RHPN1: variants seen among roughly 807,000 people sequenced by gnomAD.
RHPN1 encodes rhophilin Rho GTPase binding protein 1, also known as rhophilin-1.
In RHPN1, 77 loss-of-function variants were observed where a neutral mutation model predicts 74.7. That is an observed-to-expected ratio of 1.03 (90% CI 0.86 to 1.25). The LOEUF is 1.25. Among genes scored for constraint, RHPN1 ranks in the 50% most tolerant of loss-of-function variants. The pLI is 0.00. For synonymous variants in RHPN1, 444 were observed against 414.5 expected (o/e 1.07, Z -0.87); for missense variants, 987 against 932.2 (o/e 1.06, Z -0.77).
At chr8:143,373,819 T>G (rs1818030284) in intron 1 of RHPN1, among the ~76,000 whole-genome samples, 1 of 152,048 alleles carries the variant, frequency 6.6e-6, no homozygotes, top group Non-Finnish European at 1.5e-5. Context: ...CCACCTCGTA[T>G]AAGGACCCTT....
Position 143,381,855 on chromosome 8 carries a change from C to CCTG in RHPN1, c.1685_1686insTGC (p.Pro562_Cys563insAla). 2 of 1,613,032 alleles carry CCTG rather than the reference C, an allele frequency of 1.2e-6. No homozygotes were observed. The highest frequency in any genetic ancestry group is 1.7e-6 in the Non-Finnish European group (2 of 1,179,742). ...CTACATTGTGTCAGTGAATGGGCAG[C>CCTG]CATGCAGGTGGTGGAGACACGCGGA... On this transcript the variant is annotated inframe_insertion, in exon 14 of 15. Coordinates refer to ENST00000289013, the MANE Select transcript of RHPN1 (RefSeq NM_052924.3).
intron 14 of RHPN1, 139 bp downstream of exon 14, chr8:143,382,107 A>C (rs1446891071): frequency 6.9e-6 from 6 of 873,350 alleles, no homozygotes; most frequent in Non-Finnish European, 1.0e-5. Context: ...CCTCCTGGGC[A>C]GGGGCCACCT....
At chr8:143,382,017 C>CCACCACCA in intron 14 of RHPN1, 49 bp downstream of exon 14, 1 of 1,498,028 alleles carries the variant, frequency 6.7e-7, no homozygotes, top group Non-Finnish European at 8.9e-7. Context: ...GCTGTCACCA[C>CCACCACCA]CCTGGCCCTG....
chr8:143,382,031 C>T (rs1479471038), intron 14 of RHPN1, 63 bp downstream of exon 14: 2 of 1,459,058 alleles, frequency 1.4e-6, no homozygotes, highest in African/African-American at 1.4e-5. Context: ...GGCCCTGGGC[C>T]TGCCTTGGAT....
chr8:143,378,282 T>C lies in RHPN1; in HGVS notation c.395T>C (p.Val132Ala), dbSNP rs1748612641. The change falls in exon 5 of 15, where the codon GTG becomes GCG. Residue 132 changes from valine to alanine, a missense_variant. Coordinates refer to ENST00000289013, the MANE Select transcript of RHPN1 (RefSeq NM_052924.3). ...GCCCCCCATCAGGAGCTGATCTCAG[T>C]GCACTTTGGAGAGGACGGCGCCTCC... ...WSTPLKELIS[V>A]HFGEDGASYE... 1.9e-6 allele frequency: 3 copies of C among 1,574,400 alleles called. No individual in the cohort carries two copies. Among genetic ancestry groups the C allele is most frequent in the South Asian group, 2.3e-5 (2 of 85,226 alleles).
In RHPN1 at chr8:143,379,306, C is replaced by G. The variant is rs1818521280; in HGVS notation, c.752-9C>G. The G allele has an allele frequency of 3.2e-6, 5 of 1,574,854 alleles. No individual in the cohort carries two copies. Among genetic ancestry groups the G allele is most frequent in the Non-Finnish European group, 4.3e-6 (5 of 1,157,372 alleles). ...GGCCCTGCCTGTGTGAGCACCCCTCCCTCCGCAGGGGCCTTCAGCCTCCTG... is the reference window on the plus strand; with the variant it reads ...GGCCCTGCCTGTGTGAGCACCCCTCGCTCCGCAGGGGCCTTCAGCCTCCTG... On this transcript the variant is annotated splice_polypyrimidine_tract_variant and intron_variant, in intron 7 of 14. Coordinates refer to ENST00000289013, the MANE Select transcript of RHPN1 (RefSeq NM_052924.3).
rs1236441481 is a variant in RHPN1 at position 143,382,425 on chromosome 8, C to A, written c.1798-11C>A. ...GTGGCTGACCACAGTCTGTCTCTGTCCCTGCTGCAGGGGGACCGCCGGCCC... is the reference window on the plus strand; with the variant it reads ...GTGGCTGACCACAGTCTGTCTCTGTACCTGCTGCAGGGGGACCGCCGGCCC... On this transcript the variant is annotated splice_polypyrimidine_tract_variant and intron_variant, in intron 14 of 14. Coordinates refer to ENST00000289013, the MANE Select transcript of RHPN1 (RefSeq NM_052924.3). 6.4e-7 allele frequency: 1 copy of A among 1,551,828 alleles called. No individual in the cohort carries two copies. The highest frequency in any genetic ancestry group is 1.2e-5 in the South Asian group (1 of 84,296).
In RHPN1 at chr8:143,379,882, CG is replaced by C; in HGVS notation, c.1000del (p.Asp334ThrfsTer26). The part of the protein sequence containing the change: ...HRTMAQPPVH[D>X]YVPVSWTALV... ...GGACCATGGCCCAGCCACCCGTCCA[CG>C]ACTACGTGCCTGTCTCCTGGACTGC... is the stretch of plus-strand genomic sequence containing the variant. On this transcript the variant is annotated frameshift_variant, in exon 9 of 15. Coordinates refer to ENST00000289013, the MANE Select transcript of RHPN1 (RefSeq NM_052924.3). LOFTEE classifies it high-confidence loss of function. 1.2e-6 allele frequency: 2 copies of C among 1,610,510 alleles called. No individual in the cohort carries two copies. The highest frequency in any genetic ancestry group is 1.7e-6 in the Non-Finnish European group (2 of 1,178,868).
intron 3 of RHPN1, 88 bp from the exon 4 acceptor site, chr8:143,377,292 G>A: frequency 9.8e-7 from 1 of 1,025,474 alleles, no homozygotes; most frequent in Non-Finnish European, 1.5e-6. Flanking sequence ...GAGGCACCCT[G>A]TGCCACAGAG....
At chr8:143,370,617 C>T (rs1270722631) in intron 1 of RHPN1, among the ~76,000 whole-genome samples, 3 of 152,270 alleles carry the variant, frequency 2.0e-5, no homozygotes, top group East Asian at 3.8e-4. Flanking sequence ...TTCCAGCAAG[C>T]GCTTACCTGG....
upstream of RHPN1, among the ~76,000 whole-genome samples, chr8:143,365,286 C>A (rs1817543794): frequency 6.6e-6 from 1 of 152,196 alleles, no homozygotes; most frequent in Non-Finnish European, 1.5e-5. Context: ...CTAAAAGACC[C>A]CAAGCCTGAA....
chr8:143,379,601 TC>T (rs1393165951), intron 8 of RHPN1, 93 bp downstream of exon 8: 4 of 1,455,486 alleles, frequency 2.7e-6, no homozygotes, highest in Non-Finnish European at 2.7e-6. Context: ...CCCACCTCCT[TC>T]CTTGTGTGTC....
At chr8:143,369,755 G>C (rs532164563) in intron 1 of RHPN1, among the ~76,000 whole-genome samples, 1 of 152,210 alleles carries the variant, frequency 6.6e-6, no homozygotes, top group Non-Finnish European at 1.5e-5. Context: ...CGCCCGCCAC[G>C]GGCTTTCAGC....
At chr8:143,369,188 T>G (rs1817666796) in intron 1 of RHPN1, 141 bp downstream of exon 1, 1 of 589,150 alleles carries the variant, frequency 1.7e-6, no homozygotes, top group Non-Finnish European at 2.7e-6. Context: ...GGCCAGAGCC[T>G]GCGTCCCTCC....
At chr8:143,378,845 C>A in intron 6 of RHPN1, 25 bp downstream of exon 6, 1 of 1,567,168 alleles carries the variant, frequency 6.4e-7, no homozygotes, top group Non-Finnish European at 8.6e-7. Context: ...GGCGGAGGCA[C>A]CCTGGGGAGG....
chr8:143,379,655 C>T (rs2130598718), intron 8 of RHPN1, 147 bp downstream of exon 8: 2 of 1,444,312 alleles, frequency 1.4e-6, no homozygotes, highest in Non-Finnish European at 1.8e-6. Flanking sequence ...GGGGGCTGGT[C>T]AGGAACCTGG....
intron 1 of RHPN1, among the ~76,000 whole-genome samples, chr8:143,372,679 C>T (rs1483797260): frequency 1.3e-5 from 2 of 151,614 alleles, no homozygotes; most frequent in Non-Finnish European, 2.9e-5. Context: ...GGACCTCCGT[C>T]AGGCTCCCTC....
rs1457781526 is a variant in RHPN1 at position 143,377,332 on chromosome 8, G to A, written c.306-48G>A. 4 of 1,515,080 alleles carry A rather than the reference G, an allele frequency of 2.6e-6. No homozygotes were observed. The African/African-American group carries it at 5.5e-5, about 21-fold the overall frequency. 93.9% of individuals were successfully genotyped at this position (1,515,080 alleles called of 1,614,324 possible). On this transcript the variant is annotated intron_variant, in intron 3 of 14. Coordinates refer to ENST00000289013, the MANE Select transcript of RHPN1 (RefSeq NM_052924.3). ...AGGAGTGGACCCCGGGCTGCCGTGGGCAGCAGGGTTTGGCCTTACAGTCTG... is the reference window on the plus strand; with the variant it reads ...AGGAGTGGACCCCGGGCTGCCGTGGACAGCAGGGTTTGGCCTTACAGTCTG...
chr8:143,375,530 G>C, intron 1 of RHPN1, 23 bp from the exon 2 acceptor site: 1 of 1,547,070 alleles, frequency 6.5e-7, no homozygotes, highest in African/African-American at 1.4e-5. Context: ...GTCGGGCTGT[G>C]ATCGCCTGTG....
Sources: allele counts gnomAD v4.1 joint callset (sites outside exome capture counted in the v4.1 genomes callset), GRCh38; gene constraint gnomAD v4.1.1; transcripts MANE v1.5; gene names NCBI Gene and HGNC (gene_info 2026-07-23, HGNC 2026-07-21).